KCNH1: variants seen among roughly 807,000 people sequenced by gnomAD.
KCNH1 encodes voltage-gated delayed rectifier potassium channel KCNH1.
KCNH1 carries 27 observed loss-of-function variants against 69.2 expected under a neutral mutation model. That is an observed-to-expected ratio of 0.39 (90% CI 0.29 to 0.54). The LOEUF is 0.54. Among genes scored for constraint, KCNH1 ranks in the 20% least tolerant of loss-of-function variants. KCNH1 has a pLI of 0.68. For missense variants in KCNH1, 798 were observed against 1,261.6 expected, an observed-to-expected ratio of 0.63 and a Z score of 5.57; for synonymous variants, 456 against 487.7, an observed-to-expected ratio of 0.93 and a Z score of 0.86.
intron 10 of KCNH1, among the ~76,000 whole-genome samples, chr1:210,709,557 A>G (rs1682001240): frequency 6.6e-6 from 1 of 152,212 alleles, no homozygotes; most frequent in East Asian, 1.9e-4. Flanking sequence ...CTTAAGACAG[A>G]CAATGGTGAC....
intron 7 of KCNH1, among the ~76,000 whole-genome samples, chr1:210,867,360 C>CATAT (rs772279988): frequency 8.6e-5 from 10 of 116,784 alleles, no homozygotes; most frequent in African/African-American, 3.1e-4. Context: ...CACACACACA[C>CATAT]ACATATATAT....
chr1:210,721,025 T>A (rs1422385079), intron 10 of KCNH1, among the ~76,000 whole-genome samples: 2 of 152,086 alleles, frequency 1.3e-5, no homozygotes, highest in Non-Finnish European at 2.9e-5. Context: ...AACCCTACAA[T>A]ACCCAAGTAC....
intron 6 of KCNH1, among the ~76,000 whole-genome samples, chr1:210,958,476 T>G (rs1244499633): frequency 6.6e-6 from 1 of 152,190 alleles, no homozygotes; most frequent in Non-Finnish European, 1.5e-5. Flanking sequence ...GTTGGGGAAG[T>G]TCTTCTGGAT....
intron 7 of KCNH1, among the ~76,000 whole-genome samples, chr1:210,894,563 T>C (rs1217552252): frequency 5.9e-5 from 9 of 152,314 alleles, no homozygotes; most frequent in African/African-American, 1.9e-4. Context: ...TGCAGCCCTC[T>C]CCTATTTGAT....
chr1:211,063,004 C>T (rs1214108106), intron 5 of KCNH1, among the ~76,000 whole-genome samples: 2 of 152,358 alleles, frequency 1.3e-5, no homozygotes, highest in African/African-American at 2.4e-5. Flanking sequence ...GATATCTGCA[C>T]TTCCCATATT....
intron 7 of KCNH1, among the ~76,000 whole-genome samples, chr1:210,805,046 T>A (rs1377693768): frequency 1.3e-5 from 2 of 152,232 alleles, no homozygotes; most frequent in African/African-American, 4.8e-5. Context: ...CAGGAAGTCT[T>A]CCTATACACC....
chr1:211,099,018 A>C (rs1004286667), intron 3 of KCNH1, among the ~76,000 whole-genome samples: 1 of 152,184 alleles, frequency 6.6e-6, no homozygotes, highest in Non-Finnish European at 1.5e-5. Flanking sequence ...ATGTCAACAA[A>C]ATATATTTGT....
At position 210,718,465 on chromosome 1, in the gene KCNH1, GTA is replaced by G. The variant is rs1187901295; in HGVS notation, c.2113-34329_2113-34328del. On this transcript the variant is annotated intron_variant, in intron 10 of 10. Transcript: ENST00000271751. ...ATATATATAAAATATATACATATAT[GTA>G]TATATATAAAATATATACATATATG... is the stretch of plus-strand genomic sequence containing the variant. 1.3e-3 allele frequency among the ~76,000 whole-genome samples: 12 copies of G among 9,230 alleles called. 1 individual carries two copies. Among genetic ancestry groups the G allele is most frequent in the Admixed American group, 6.3e-3 (4 of 634 alleles). 6.1% of individuals were successfully genotyped at this position (9,230 alleles called of 152,430 possible). A position where few individuals can be genotyped will look rare whatever the true frequency, so the allele number is the denominator to read the frequency against.
intron 10 of KCNH1, among the ~76,000 whole-genome samples, chr1:210,739,704 T>G (rs1195526222): frequency 6.6e-6 from 1 of 152,200 alleles, no homozygotes; most frequent in East Asian, 1.9e-4. Flanking sequence ...AAAGTGCTTG[T>G]AGTTGTATTT....
intron 6 of KCNH1, among the ~76,000 whole-genome samples, chr1:210,972,760 T>C (rs560383829): frequency 6.6e-6 from 1 of 152,096 alleles, no homozygotes; most frequent in African/African-American, 2.4e-5. Context: ...CTAGAATGCA[T>C]TCACAGCAGT....
rs886917658 is a variant in KCNH1, at chr1:210,735,820, CAGAG to C, written c.2112+39524_2112+39527del. Among the ~76,000 whole-genome samples the C allele has an allele frequency of 1.7e-3, 116 of 68,254 alleles. No individual in the cohort carries two copies. The Middle Eastern group carries it at 0.022, about 13-fold the overall frequency. 44.8% of individuals were successfully genotyped at this position (68,254 alleles called of 152,430 possible). ...ACAGACACACACACACACACACACA[CAGAG>C]AGAGAGAGAGAGAGAGAGCGCACAA... On this transcript the variant is annotated intron_variant, in intron 10 of 10. Coordinates refer to ENST00000271751, the MANE Select transcript of KCNH1 (RefSeq NM_172362.3).
At chr1:210,721,043 C>G (rs1197377572) in intron 10 of KCNH1, among the ~76,000 whole-genome samples, 1 of 152,134 alleles carries the variant, frequency 6.6e-6, no homozygotes, top group Non-Finnish European at 1.5e-5. Flanking sequence ...TACAACTCCT[C>G]ATTTGATAGC....
At chr1:211,044,781 G>A (rs774394527) in intron 5 of KCNH1, among the ~76,000 whole-genome samples, 1 of 152,034 alleles carries the variant, frequency 6.6e-6, no homozygotes, top group East Asian at 1.9e-4. Flanking sequence ...TGGTGAAAAG[G>A]AAACACTTCT....
At chr1:210,859,386 G>T in intron 7 of KCNH1, 1 of 1,566,830 alleles carries the variant, frequency 6.4e-7, no homozygotes, top group Non-Finnish European at 8.8e-7. Flanking sequence ...GATTTCGAAT[G>T]GTTTGAAAGA....
chr1:210,789,439 G>A (rs1298224426), intron 9 of KCNH1, among the ~76,000 whole-genome samples: 1 of 152,094 alleles, frequency 6.6e-6, no homozygotes, highest in Non-Finnish European at 1.5e-5. Context: ...GAGGGGTTGG[G>A]TACTAGATGC....
chr1:210,845,800 C>G (rs1191118634), intron 7 of KCNH1, among the ~76,000 whole-genome samples: 332 of 139,386 alleles, frequency 2.4e-3, no homozygotes, highest in South Asian at 4.3e-3. Context: ...TCCCTGTTTG[C>G]AGATGACATG....
intron 5 of KCNH1, among the ~76,000 whole-genome samples, chr1:211,059,352 G>A (rs950263738): frequency 3.3e-5 from 5 of 151,634 alleles, no homozygotes; most frequent in African/African-American, 9.7e-5. Flanking sequence ...GATAAGAGTC[G>A]ATTTAGCCAG....
At chr1:210,966,567 C>G (rs1688404775) in intron 6 of KCNH1, among the ~76,000 whole-genome samples, 1 of 152,158 alleles carries the variant, frequency 6.6e-6, no homozygotes, top group Admixed American at 6.5e-5. Flanking sequence ...AGGATATGAA[C>G]AGACACTTCT....
chr1:211,035,970 T>C (rs1393231840), intron 5 of KCNH1, among the ~76,000 whole-genome samples: 1 of 152,222 alleles, frequency 6.6e-6, no homozygotes, highest in African/African-American at 2.4e-5. Flanking sequence ...GCTCTGATTG[T>C]TACCAATGCA....
Sources: allele counts gnomAD v4.1 joint callset (sites outside exome capture counted in the v4.1 genomes callset), GRCh38; gene constraint gnomAD v4.1.1; transcripts MANE v1.5; gene names NCBI Gene and HGNC (gene_info 2026-07-23, HGNC 2026-07-21).